PPP2R2B: variants seen among roughly 807,000 people sequenced by gnomAD.
The protein encoded by PPP2R2B is serine/threonine-protein phosphatase 2A 55 kDa regulatory subunit B beta isoform.
PPP2R2B carries 5 observed loss-of-function variants against 46.0 expected under a neutral mutation model. That is an observed-to-expected ratio of 0.11 (90% CI 0.06 to 0.23). PPP2R2B has a LOEUF of 0.23. PPP2R2B is among the 10% of genes least tolerant of loss of function. The pLI is 1.00. For synonymous variants in PPP2R2B, 215 were observed against 206.7 expected (o/e 1.04, Z -0.34); for missense variants, 367 against 575.0 (o/e 0.64, Z 3.70).
intron 2 of PPP2R2B, among the ~76,000 whole-genome samples, chr5:146,827,716 T>G (rs1045708784): frequency 2.0e-5 from 3 of 152,190 alleles, no homozygotes; most frequent in African/African-American, 7.2e-5. Context: ...ATCGACTCCA[T>G]GCACAGCATT....
chr5:146,707,922 T>C (rs966230229), intron 2 of PPP2R2B, among the ~76,000 whole-genome samples: 3 of 152,236 alleles, frequency 2.0e-5, no homozygotes, highest in Non-Finnish European at 4.4e-5. Flanking sequence ...TTTTTCTAAA[T>C]CTTCGGTATT....
chr5:146,659,449 A>C (rs1221850731), intron 5 of PPP2R2B, among the ~76,000 whole-genome samples: 1 of 152,158 alleles, frequency 6.6e-6, no homozygotes, highest in Admixed American at 6.6e-5. Flanking sequence ...GCTAATTACC[A>C]ACCATGTGGC....
intron 8 of PPP2R2B, among the ~76,000 whole-genome samples, chr5:146,598,342 C>G (rs1227884317): frequency 6.6e-6 from 1 of 152,170 alleles, no homozygotes; most frequent in Non-Finnish European, 1.5e-5. Flanking sequence ...GGCTAGTTTC[C>G]CCAAATCTCT....
upstream of PPP2R2B, among the ~76,000 whole-genome samples, chr5:147,058,221 T>C (rs1352495364): frequency 6.6e-6 from 1 of 152,192 alleles, no homozygotes; most frequent in Non-Finnish European, 1.5e-5. Flanking sequence ...TATTTTATAC[T>C]TTTTATGTGG....
chr5:146,711,246 T>G (rs147558057), intron 2 of PPP2R2B, among the ~76,000 whole-genome samples: 1 of 152,208 alleles, frequency 6.6e-6, no homozygotes, highest in East Asian at 1.9e-4. Context: ...TTTTTTTCTA[T>G]GCTCACAAGT....
chr5:146,711,921 A>G (rs143762753), intron 2 of PPP2R2B, among the ~76,000 whole-genome samples: 5 of 152,318 alleles, frequency 3.3e-5, no homozygotes, highest in African/African-American at 4.8e-5. Flanking sequence ...TCAGAACTCA[A>G]GGAAACACAT....
intron 7 of PPP2R2B, among the ~76,000 whole-genome samples, chr5:146,618,884 G>C (rs551183167): frequency 6.6e-6 from 1 of 152,178 alleles, no homozygotes; most frequent in Non-Finnish European, 1.5e-5. Flanking sequence ...AACATGAAAC[G>C]ACCGGCAATC....
intron 1 of PPP2R2B, among the ~76,000 whole-genome samples, chr5:146,967,629 A>T (rs903712899): frequency 1.3e-5 from 2 of 152,118 alleles, no homozygotes; most frequent in Admixed American, 6.6e-5. Context: ...GACATCAGGT[A>T]AGGGAAGGCC....
At position 146,884,336 on chromosome 5, in the gene PPP2R2B, C is replaced by A. The variant is rs183211866; in HGVS notation, c.79+171329G>T. 2.8e-4 allele frequency among the ~76,000 whole-genome samples: 42 copies of A among 152,202 alleles called. 1 individual carries two copies. Among genetic ancestry groups the A allele is most frequent in the African/African-American group, 9.1e-4 (38 of 41,544 alleles). On this transcript the variant is annotated intron_variant, in intron 1 of 8. Transcript: ENST00000336640. Reference sequence around the variant, plus strand: ...ACCTTTCCCTGAGGGTTTCCCATATCCATCAGAGGAAAATTGATGTCGTTG... The same window carrying A: ...ACCTTTCCCTGAGGGTTTCCCATATACATCAGAGGAAAATTGATGTCGTTG...
chr5:146,771,611 T>C (rs571256307), intron 2 of PPP2R2B, among the ~76,000 whole-genome samples: 1 of 152,336 alleles, frequency 6.6e-6, no homozygotes, highest in Admixed American at 6.5e-5. Flanking sequence ...TGTCTACCAA[T>C]ATCAGTCCTG....
At chr5:147,061,731 G>A (rs956815957) in intron 2 of PPP2R2B, among the ~76,000 whole-genome samples, 2 of 152,122 alleles carry the variant, frequency 1.3e-5, no homozygotes, top group African/African-American at 4.8e-5. Context: ...GCTCCATTTA[G>A]AGCAGCTGCT....
At chr5:146,721,543 C>A (rs1254971535) in intron 2 of PPP2R2B, among the ~76,000 whole-genome samples, 1 of 152,216 alleles carries the variant, frequency 6.6e-6, no homozygotes, top group Non-Finnish European at 1.5e-5. Flanking sequence ...TCACATTTTG[C>A]TGCTCGTTGG....
intron 6 of PPP2R2B, among the ~76,000 whole-genome samples, chr5:146,641,756 G>T (rs1213535273): frequency 2.6e-5 from 4 of 152,098 alleles, no homozygotes; most frequent in African/African-American, 9.7e-5. Flanking sequence ...ATGTAATTTT[G>T]CCCTTCATGT....
At chr5:147,026,789 G>A (rs1460287572) in intron 1 of PPP2R2B, among the ~76,000 whole-genome samples, 1 of 152,108 alleles carries the variant, frequency 6.6e-6, no homozygotes, top group Non-Finnish European at 1.5e-5. Context: ...AAAAAGAGTG[G>A]CAATTGCAAA....
At chr5:147,006,206 A>G (rs753029039) in intron 1 of PPP2R2B, among the ~76,000 whole-genome samples, 5 of 152,226 alleles carry the variant, frequency 3.3e-5, no homozygotes, top group Non-Finnish European at 4.4e-5. Context: ...CTCTTGTAGA[A>G]GCAGAGTTAG....
intron 8 of PPP2R2B, 100 bp downstream of exon 8, chr5:146,600,191 C>T: frequency 7.8e-7 from 1 of 1,290,178 alleles, no homozygotes; most frequent in Non-Finnish European, 1.1e-6. Context: ...CATGCATTGC[C>T]TTCCATTTTG....
chr5:146,720,237 T>G (rs1780719879), intron 2 of PPP2R2B, among the ~76,000 whole-genome samples: 1 of 152,128 alleles, frequency 6.6e-6, no homozygotes, highest in South Asian at 2.1e-4. Flanking sequence ...AAGTATGGAA[T>G]GAAAAAACAG....
At chr5:147,017,038 T>G (rs1755039710) in intron 1 of PPP2R2B, among the ~76,000 whole-genome samples, 1 of 151,568 alleles carries the variant, frequency 6.6e-6, no homozygotes, top group African/African-American at 2.4e-5. Flanking sequence ...TAGATTGCTC[T>G]GGCTGCAGGG....
intron 1 of PPP2R2B, among the ~76,000 whole-genome samples, chr5:146,941,546 T>A (rs1448724980): frequency 6.6e-6 from 1 of 152,196 alleles, no homozygotes; most frequent in African/African-American, 2.4e-5. Flanking sequence ...AGCATTTATG[T>A]CATCTGTAGA....
Sources: gnomAD v4.1 joint callset for allele counts (sites outside exome capture counted in the v4.1 genomes callset) on GRCh38, gnomAD v4.1.1 for gene constraint, MANE v1.5 for transcripts, NCBI Gene and HGNC (gene_info 2026-07-23, HGNC 2026-07-21) for gene names.